Variants in RING1 observed in about 807,000 individuals in gnomAD.
RING1 encodes the protein E3 ubiquitin-protein ligase RING1.
In RING1, 8 loss-of-function variants were observed where a neutral mutation model predicts 35.0. The ratio of observed to expected loss-of-function variants is 0.23; its 90% CI spans 0.13 to 0.41. RING1 has a LOEUF of 0.41. Among genes scored for constraint, RING1 ranks in the 10% least tolerant of loss-of-function variants. The probability of loss-of-function intolerance (pLI) is 1.00; values close to 1 mark genes in which losing one functional copy is unlikely to be tolerated. For synonymous variants in RING1, 214 were observed against 224.3 expected (o/e 0.95, Z 0.41); for missense variants, 343 against 546.8 (o/e 0.63, Z 3.72).
At position 33,208,685 on chromosome 6, in the gene RING1, A is replaced by G; in HGVS notation, c.-59+41A>G. Reference sequence around the variant, plus strand: ...GGCGCGGGGGCGGGAGCGGGGGCGGAGAGGGGCGCTTCTGGAGGGGCGGGG... The same window carrying G: ...GGCGCGGGGGCGGGAGCGGGGGCGGGGAGGGGCGCTTCTGGAGGGGCGGGG... On this transcript the variant is annotated intron_variant, in intron 1 of 6. Transcript: ENST00000374656. This position sits in a 1 kb window ranked among gnomAD's most constrained non-coding sequence, Gnocchi z 6.2. 1 of 672,216 alleles carries G rather than the reference A, an allele frequency of 1.5e-6. No homozygotes were observed. Among genetic ancestry groups the G allele is most frequent in the East Asian group, 3.0e-5 (1 of 33,580 alleles). The allele number at this position is 672,216 out of a possible 1,614,324, so 41.6% of individuals were successfully genotyped here.
intron 4 of RING1, among the ~76,000 whole-genome samples, chr6:33,210,753 A>G (rs1001766461): frequency 1.3e-5 from 2 of 152,174 alleles, no homozygotes; most frequent in African/African-American, 2.4e-5. Context: ...TCAGTCTTTC[A>G]TGTGTATCCA....
Position 33,209,307 on chromosome 6 carries a change from T to C in RING1, c.79-319T>C. Reference sequence around the variant, plus strand: ...GCACCCTATGGGGTTCTAATACAGGTAGCACCAGGACTTTAAAAAATTTTG... The same window carrying C: ...GCACCCTATGGGGTTCTAATACAGGCAGCACCAGGACTTTAAAAAATTTTG... On this transcript the variant is annotated intron_variant, in intron 2 of 6. Coordinates refer to ENST00000374656, the MANE Select transcript of RING1 (RefSeq NM_002931.4). The surrounding 1 kb of genome is among the most constrained non-coding windows in gnomAD (Gnocchi z 5.1). The C allele has an allele frequency of 1.8e-6, 1 of 566,782 alleles. No homozygotes were observed. 35.1% of individuals were successfully genotyped at this position (566,782 alleles called of 1,614,324 possible).
Position 33,211,018 on chromosome 6 carries a change from A to G in RING1, c.456-140A>G, listed in dbSNP as rs1320907289. 3 of 926,472 alleles carry G rather than the reference A, an allele frequency of 3.2e-6. No individual in the cohort carries two copies. Among genetic ancestry groups the G allele is most frequent in the Non-Finnish European group, 3.2e-6 (2 of 626,312 alleles). 57.4% of individuals were successfully genotyped at this position (926,472 alleles called of 1,614,324 possible). A position where few individuals can be genotyped will look rare whatever the true frequency, so the allele number is the denominator to read the frequency against. On this transcript the variant is annotated intron_variant, in intron 4 of 6. Coordinates refer to ENST00000374656, the MANE Select transcript of RING1 (RefSeq NM_002931.4). This position sits in a 1 kb window ranked among gnomAD's most constrained non-coding sequence, Gnocchi z 6.3. ...AGGGGATTGGTGCAAAACACTTAGT[A>G]TACTGAGTGCTTAGCACATTGTGTT...
Position 33,211,046 on chromosome 6 carries a change from A to G in RING1, c.456-112A>G. On this transcript the variant is annotated intron_variant, in intron 4 of 6. Transcript: ENST00000374656. This position sits in a 1 kb window ranked among gnomAD's most constrained non-coding sequence, Gnocchi z 6.3. ...CTGAGTGCTTAGCACATTGTGTTTA[A>G]TAAATATTAGGTATCGTCATTAGGA... The G allele has an allele frequency of 3.2e-6, 4 of 1,243,722 alleles. No individual in the cohort carries two copies. Among genetic ancestry groups the G allele is most frequent in the Non-Finnish European group, 4.4e-6 (4 of 903,226 alleles). The allele number at this position is 1,243,722 out of a possible 1,614,324, so 77.0% of individuals were successfully genotyped here.
chr6:33,211,894 G>A lies in RING1; in HGVS notation c.1011G>A (p.Gly337=), dbSNP rs753342089. ...CTGATGGGTGTGGCGGGGAGGGTGG[G>A]GGTGCCGGAGGAGGTGACGGTCCTG... ...GGPDGCGGEG[G]GAGGGDGPEE... The change falls in exon 6 of 7, where the codon GGG becomes GGA. Residue 337 remains glycine (G), a synonymous_variant. Transcript: ENST00000374656. The surrounding 1 kb of genome is among the most constrained non-coding windows in gnomAD (Gnocchi z 6.3). 1.0e-5 allele frequency: 16 copies of A among 1,605,158 alleles called. No individual in the cohort carries two copies. The highest frequency in any genetic ancestry group is 4.0e-5 in the African/African-American group (3 of 74,754).
rs370422048 is a variant in RING1 at position 33,211,217 on chromosome 6, G to C, written c.515G>C (p.Gly172Ala). 3 of 1,612,900 alleles carry C rather than the reference G, an allele frequency of 1.9e-6. No homozygotes were observed. Among genetic ancestry groups the C allele is most frequent in the Non-Finnish European group, 2.5e-6 (3 of 1,179,984 alleles). Residue 172 changes from glycine to alanine, a missense_variant, in exon 5 of 7, where the codon GGG becomes GCG. Gly to Ala is a moderately conservative substitution (Grantham distance 60, BLOSUM62 0). Coordinates refer to ENST00000374656, the MANE Select transcript of RING1 (RefSeq NM_002931.4). This position sits in a 1 kb window ranked among gnomAD's most constrained non-coding sequence, Gnocchi z 6.3. ...GATCAGACCACAACGATGAGTGGGG[G>C]GGAAGGAGAGCCCGGGGAGGGAGAA... ...GSDQTTTMSG[G>A]EGEPGEGEGD... is the part of the protein sequence containing the mutation.
rs961426998 is a variant in RING1, at chr6:33,211,061, C to T, written c.456-97C>T. ...ATTGTGTTTAATAAATATTAGGTAT[C>T]GTCATTAGGATTTTTCTTATCTCTT... is the stretch of plus-strand genomic sequence containing the variant. On this transcript the variant is annotated intron_variant, in intron 4 of 6. Transcript: ENST00000374656. This position sits in a 1 kb window ranked among gnomAD's most constrained non-coding sequence, Gnocchi z 6.3. The T allele has an allele frequency of 1.7e-5, 23 of 1,349,204 alleles. No homozygotes were observed. In the Admixed American group the frequency reaches 2.5e-4, roughly 15 times the overall value. The allele number at this position is 1,349,204 out of a possible 1,614,324, so 83.6% of individuals were successfully genotyped here. A position where few individuals can be genotyped will look rare whatever the true frequency, so the allele number is the denominator to read the frequency against.
In RING1 at chr6:33,209,735, A is replaced by G; in HGVS notation, c.188A>G (p.Glu63Gly). 6.2e-7 allele frequency: 1 copy of G among 1,613,568 alleles called. No homozygotes were observed. The highest frequency in any genetic ancestry group is 8.5e-7 in the Non-Finnish European group (1 of 1,180,040). Residue 63 changes from glutamate to glycine, a missense_variant, in exon 3 of 7, where the codon GAG becomes GGG. Transcript: ENST00000374656. The surrounding 1 kb of genome is among the most constrained non-coding windows in gnomAD (Gnocchi z 5.1). ...DMLKNTMTTK[E>G]CLHRFCSDCI... is the part of the protein sequence containing the mutation. Reference sequence around the variant, plus strand: ...CTGAAGAATACGATGACCACCAAGGAGTGCCTCCACAGATTCTGCTCTGAC... The same window carrying G: ...CTGAAGAATACGATGACCACCAAGGGGTGCCTCCACAGATTCTGCTCTGAC...
In RING1 at chr6:33,211,908, G is replaced by A. The variant is rs780016095; in HGVS notation, c.1025G>A (p.Gly342Asp). Residue 342 changes from glycine (G) to aspartate (D), a missense_variant, in exon 6 of 7, where the codon GGT (glycine) becomes GAT (aspartate). Physicochemically the swap from Gly to Asp is moderately conservative, Grantham distance 94. This residue lies in a region of RING1 where 278 missense variants were observed against 383.5 expected (regional missense o/e 0.72). Transcript: ENST00000374656. This position sits in a 1 kb window ranked among gnomAD's most constrained non-coding sequence, Gnocchi z 6.3. ...GGGGAGGGTGGGGGTGCCGGAGGAG[G>A]TGACGGTCCTGAGGAGCCTGCTTTG... is the stretch of plus-strand genomic sequence containing the variant. ...CGGEGGGAGG[G>D]DGPEEPALPS... The A allele has an allele frequency of 2.5e-6, 4 of 1,603,108 alleles. No homozygotes were observed. Among genetic ancestry groups the A allele is most frequent in the Non-Finnish European group, 3.4e-6 (4 of 1,175,010 alleles).
intron 6 of RING1, 41 bp from the exon 7 acceptor site, chr6:33,212,257 C>G (rs1351303145): frequency 7.4e-7 from 1 of 1,360,004 alleles, no homozygotes; most frequent in Non-Finnish European, 1.0e-6. Flanking sequence ...CTCCAACTTT[C>G]CTCTCTCTTT....
rs1775536665 is a variant in RING1, at chr6:33,211,503, G to A, written c.801G>A (p.Arg267=). 6.2e-7 allele frequency: 1 copy of A among 1,612,384 alleles called. No individual in the cohort carries two copies. The highest frequency in any genetic ancestry group is 1.7e-4 in the Middle Eastern group (1 of 6,060). Residue 267 remains arginine, a synonymous_variant, in exon 5 of 7, where the codon CGG becomes CGA. Coordinates refer to ENST00000374656, the MANE Select transcript of RING1 (RefSeq NM_002931.4). The surrounding 1 kb of genome is among the most constrained non-coding windows in gnomAD (Gnocchi z 6.3). ...EPGGEIELVF[R]PHPLLVEKGE... ...GTGGAGAAATTGAGCTCGTGTTCCGGCCCCACCCCCTGCTCGTGGAGAAGG... is the reference window on the plus strand; with the variant it reads ...GTGGAGAAATTGAGCTCGTGTTCCGACCCCACCCCCTGCTCGTGGAGAAGG...
Position 33,212,645 on chromosome 6 carries a change from T to C in RING1, c.*246T>C, listed in dbSNP as rs1296015630. 4.9e-6 allele frequency: 2 copies of C among 408,814 alleles called. No individual in the cohort carries two copies. Among genetic ancestry groups the C allele is most frequent in the South Asian group, 7.9e-5 (1 of 12,622 alleles). 25.3% of individuals were successfully genotyped at this position (408,814 alleles called of 1,614,324 possible). ...TGCAACGTCCCATCTATACGAGGTG[T>C]TGGAGAAGGTGAAGAACCCTCCCAT... On this transcript the variant is annotated 3_prime_UTR_variant, in exon 7 of 7. Coordinates refer to ENST00000374656, the MANE Select transcript of RING1 (RefSeq NM_002931.4).
chr6:33,210,162 G>A, intron 4 of RING1, 32 bp downstream of exon 4: 2 of 1,599,078 alleles, frequency 1.3e-6, no homozygotes, highest in Non-Finnish European at 1.7e-6. Flanking sequence ...CAGAACTGAT[G>A]GGATGGGTCC....
At position 33,212,677 on chromosome 6, in the gene RING1, C is replaced by T. The variant is rs961712906; in HGVS notation, c.*278C>T. On this transcript the variant is annotated 3_prime_UTR_variant, in exon 7 of 7. Coordinates refer to ENST00000374656, the MANE Select transcript of RING1 (RefSeq NM_002931.4). ...AGGTGAAGAACCCTCCCATTCACGCCCGCCTACCAACAACAAACGTGCTTT... is the reference window on the plus strand; with the variant it reads ...AGGTGAAGAACCCTCCCATTCACGCTCGCCTACCAACAACAAACGTGCTTT... 1 of 355,824 alleles carries T rather than the reference C, an allele frequency of 2.8e-6. No individual in the cohort carries two copies. Among genetic ancestry groups the T allele is most frequent in the Non-Finnish European group, 5.0e-6 (1 of 199,156 alleles). The allele number at this position is 355,824 out of a possible 1,614,324, so 22.0% of individuals were successfully genotyped here.
intron 6 of RING1, 126 bp from the exon 7 acceptor site, chr6:33,212,172 C>T (rs1775593544): frequency 2.7e-5 from 24 of 879,964 alleles, no homozygotes; most frequent in Admixed American, 1.9e-4. Context: ...TTTGCCTTAT[C>T]GCTTTTATTA....
intron 4 of RING1, among the ~76,000 whole-genome samples, chr6:33,210,791 C>T (rs1360652734): frequency 6.6e-6 from 1 of 152,156 alleles, no homozygotes; most frequent in Non-Finnish European, 1.5e-5. Flanking sequence ...CAGATGCAAA[C>T]TGTGATTCAG....
Position 33,210,016 on chromosome 6 carries a change from G to A in RING1, c.341G>A (p.Arg114Gln). Reference sequence around the variant, plus strand: ...CTGATCTCTAAGATCTATCCTAGCCGGGAGGAATACGAGGCCCATCAAGAC... The same window carrying A: ...CTGATCTCTAAGATCTATCCTAGCCAGGAGGAATACGAGGCCCATCAAGAC... ...DALISKIYPS[R>Q]EEYEAHQDRV... The change falls in exon 4 of 7, where the codon CGG (arginine) becomes CAG (glutamine). Residue 114 changes from arginine to glutamine, a missense_variant. Physicochemically the swap from Arg to Gln is conservative, Grantham distance 43 (BLOSUM62 1). This residue lies in a region of RING1 where 65 missense variants were observed against 163.3 expected (regional missense o/e 0.40). Coordinates refer to ENST00000374656, the MANE Select transcript of RING1 (RefSeq NM_002931.4). The A allele has an allele frequency of 2.5e-6, 4 of 1,614,194 alleles. No homozygotes were observed. Among genetic ancestry groups the A allele is most frequent in the South Asian group, 1.1e-5 (1 of 91,088 alleles).
rs1775373387 is a variant in RING1, at chr6:33,209,294, G to A, written c.79-332G>A. 1 of 563,842 alleles carries A rather than the reference G, an allele frequency of 1.8e-6. No individual in the cohort carries two copies. 34.9% of individuals were successfully genotyped at this position (563,842 alleles called of 1,614,324 possible). On this transcript the variant is annotated intron_variant, in intron 2 of 6. Coordinates refer to ENST00000374656, the MANE Select transcript of RING1 (RefSeq NM_002931.4). The surrounding 1 kb of genome is among the most constrained non-coding windows in gnomAD (Gnocchi z 5.1). ...GAATTTTTAACAGGCACCCTATGGG[G>A]TTCTAATACAGGTAGCACCAGGACT...
At position 33,208,521 on chromosome 6, in the gene RING1, C is replaced by T. The variant is rs992827138; in HGVS notation, c.-182C>T. On this transcript the variant is annotated 5_prime_UTR_variant, in exon 1 of 7. Transcript: ENST00000374656. The surrounding 1 kb of genome is among the most constrained non-coding windows in gnomAD (Gnocchi z 6.2). ...TGACGTAGGGCCCCAGCGCCCGGGC[C>T]ATGGCGGCGGCGGTGGCGGGAGCTG... 7 of 423,732 alleles carry T rather than the reference C, an allele frequency of 1.7e-5. No homozygotes were observed. The highest frequency in any genetic ancestry group is 1.2e-4 in the African/African-American group (6 of 48,698). 26.2% of individuals were successfully genotyped at this position (423,732 alleles called of 1,614,324 possible).
Sources: allele counts gnomAD v4.1 joint callset (sites outside exome capture counted in the v4.1 genomes callset), GRCh38; gene constraint gnomAD v4.1.1; regional missense constraint gnomAD v4.1.1; non-coding constraint Gnocchi (gnomAD v3.1); transcripts MANE v1.5; gene names NCBI Gene and HGNC (gene_info 2026-07-23, HGNC 2026-07-21).